Variants in ANKRD6 observed in about 807,000 individuals in gnomAD.
ANKRD6 encodes the protein ankyrin repeat domain 6.
In ANKRD6, 56 loss-of-function variants were observed where a neutral mutation model predicts 82.3. That is an observed-to-expected ratio of 0.68 (90% CI 0.55 to 0.85). The LOEUF (loss-of-function observed/expected upper bound fraction) is 0.85, where lower values mean the gene tolerates loss of function less well. Ranked by LOEUF, ANKRD6 falls within the 40% of genes least tolerant of loss-of-function variation. The pLI is 0.00. For missense variants in ANKRD6, 852 were observed against 907.6 expected, an observed-to-expected ratio of 0.94 and a Z score of 0.79; for synonymous variants, 347 against 352.1, an observed-to-expected ratio of 0.99 and a Z score of 0.16.
chr6:89,474,303 CT>C, intron 1 of ANKRD6, among the ~76,000 whole-genome samples: 1 of 152,268 alleles, frequency 6.6e-6, no homozygotes, highest in South Asian at 2.1e-4. Context: ...CTTCTTTTAT[CT>C]TTTTTCCCAC....
rs189493829 is a variant in ANKRD6 at position 89,612,359 on chromosome 6, C to A, written c.505C>A (p.Leu169Ile). ...CCTGCTGGCCGGGTCCCGCGCTGACCTCAAAAATAATGTGGGTGAACAAAA... is the reference window on the plus strand; with the variant it reads ...CCTGCTGGCCGGGTCCCGCGCTGACATCAAAAATAATGTGGGTGAACAAAA... ...VLLLAGSRAD[L>I]KNNAGDTCLH... The change falls in exon 6 of 16, where the codon CTC becomes ATC. Residue 169 changes from leucine to isoleucine, a missense_variant. Coordinates refer to ENST00000339746, the MANE Select transcript of ANKRD6 (RefSeq NM_001242809.2). 7 of 1,555,864 alleles carry A rather than the reference C, an allele frequency of 4.5e-6. No individual in the cohort carries two copies. The highest frequency in any genetic ancestry group is 6.1e-6 in the Non-Finnish European group (7 of 1,148,190).
intron 1 of ANKRD6, among the ~76,000 whole-genome samples, chr6:89,440,451 C>A (rs1217689047): frequency 6.6e-6 from 1 of 152,198 alleles, no homozygotes; most frequent in Non-Finnish European, 1.5e-5. Context: ...TAACCTTTAT[C>A]CTTCCTGGTG....
chr6:89,633,551 T>G lies in ANKRD6; in HGVS notation c.*2547T>G, dbSNP rs1052432273. 19 of 152,328 alleles carry G rather than the reference T, an allele frequency of 1.2e-4. No individual in the cohort carries two copies. Among genetic ancestry groups the G allele is most frequent in the African/African-American group, 4.6e-4 (19 of 41,574 alleles). 9.4% of individuals were successfully genotyped at this position (152,328 alleles called of 1,614,324 possible). On this transcript the variant is annotated 3_prime_UTR_variant, in exon 16 of 16. Coordinates refer to ENST00000339746, the MANE Select transcript of ANKRD6 (RefSeq NM_001242809.2). Reference sequence around the variant, plus strand: ...GGGAAAAACTAAAACACAGAAATACTGTACAGTATTAGTGTTTTTTTAAAG... The same window carrying G: ...GGGAAAAACTAAAACACAGAAATACGGTACAGTATTAGTGTTTTTTTAAAG...
At chr6:89,503,547 A>G (rs1779493754) in intron 1 of ANKRD6, among the ~76,000 whole-genome samples, 2 of 152,150 alleles carry the variant, frequency 1.3e-5, no homozygotes, top group African/African-American at 4.8e-5. Context: ...AATCCCCTAC[A>G]TTCTTCATCT....
chr6:89,599,824 C>A (rs1046686147), intron 3 of ANKRD6, among the ~76,000 whole-genome samples: 4 of 152,154 alleles, frequency 2.6e-5, no homozygotes, highest in Non-Finnish European at 1.5e-5. Context: ...CCTCCAGAAC[C>A]ATTCCAGCTA....
chr6:89,484,664 A>C (rs55666694), intron 1 of ANKRD6, among the ~76,000 whole-genome samples: 8,469 of 152,266 alleles, frequency 0.056, 262 homozygotes, highest in South Asian at 0.13. Flanking sequence ...ATATTCAGAT[A>C]CATTTTTGCT....
At chr6:89,535,039 C>T (rs1388834326) in intron 1 of ANKRD6, among the ~76,000 whole-genome samples, 3 of 152,190 alleles carry the variant, frequency 2.0e-5, no homozygotes, top group Non-Finnish European at 4.4e-5. Context: ...TTTGGACTCT[C>T]AGCTCAGCTT....
chr6:89,628,478 C>T (rs1033834419), intron 14 of ANKRD6: 5 of 157,876 alleles, frequency 3.2e-5, no homozygotes, highest in African/African-American at 9.6e-5. Flanking sequence ...CCTTCAAAAA[C>T]TAATAGAGCG....
chr6:89,544,511 G>T (rs1232565927), intron 1 of ANKRD6, among the ~76,000 whole-genome samples: 3 of 151,650 alleles, frequency 2.0e-5, no homozygotes, highest in Non-Finnish European at 4.4e-5. Flanking sequence ...TCAGGAGATC[G>T]AGACCATCCT....
At chr6:89,456,040 A>AT (rs1773472109) in intron 1 of ANKRD6, among the ~76,000 whole-genome samples, 1 of 151,966 alleles carries the variant, frequency 6.6e-6, no homozygotes, top group African/African-American at 2.4e-5. Flanking sequence ...TGCCTGACTA[A>AT]TTTTTTGTAT....
chr6:89,528,917 T>A (rs1272412155), intron 1 of ANKRD6, among the ~76,000 whole-genome samples: 1 of 152,232 alleles, frequency 6.6e-6, no homozygotes, highest in African/African-American at 2.4e-5. Context: ...TCAATAAGCA[T>A]GGACTTATTC....
rs1788649330 is a variant in ANKRD6 at position 89,566,901 on chromosome 6, A to C, written c.-76A>C. The C allele has an allele frequency of 3.3e-6, 5 of 1,529,790 alleles. No individual in the cohort carries two copies. In the African/African-American group the frequency reaches 6.9e-5, roughly 21 times the overall value. 94.8% of individuals were successfully genotyped at this position (1,529,790 alleles called of 1,614,324 possible). A position where few individuals can be genotyped will look rare whatever the true frequency, so the allele number is the denominator to read the frequency against. On this transcript the variant is annotated 5_prime_UTR_variant, in exon 2 of 16. Coordinates refer to ENST00000339746, the MANE Select transcript of ANKRD6 (RefSeq NM_001242809.2). ...GTGAACATCTTTACCTCTGGGTGCCAGGCCGGGCCAGTGACTTCGTGTTGA... is the reference window on the plus strand; with the variant it reads ...GTGAACATCTTTACCTCTGGGTGCCCGGCCGGGCCAGTGACTTCGTGTTGA...
intron 7 of ANKRD6, among the ~76,000 whole-genome samples, chr6:89,615,555 C>A (rs542759442): frequency 1.8e-4 from 27 of 152,328 alleles, no homozygotes; most frequent in African/African-American, 5.5e-4. Context: ...ACCCAGGCAT[C>A]ATCATTTTTT....
In ANKRD6 at chr6:89,630,581, A is replaced by G; in HGVS notation, c.1761A>G (p.Arg587=). 1 of 1,613,916 alleles carries G rather than the reference A, an allele frequency of 6.2e-7. No homozygotes were observed. Among genetic ancestry groups the G allele is most frequent in the Non-Finnish European group, 8.5e-7 (1 of 1,179,838 alleles). The change falls in exon 16 of 16, where the codon CGA becomes CGG. Residue 587 remains arginine, a synonymous_variant. Coordinates refer to ENST00000339746, the MANE Select transcript of ANKRD6 (RefSeq NM_001242809.2). ...ELSSSDCTGS[R]LRNVKVQTAL... Reference sequence around the variant, plus strand: ...CGTCTTCTGACTGTACAGGCTCCCGACTGAGAAACGTCAAGGTCCAGACAG... The same window carrying G: ...CGTCTTCTGACTGTACAGGCTCCCGGCTGAGAAACGTCAAGGTCCAGACAG...
intron 1 of ANKRD6, among the ~76,000 whole-genome samples, chr6:89,479,968 G>A (rs540081064): frequency 6.6e-6 from 1 of 152,214 alleles, no homozygotes; most frequent in East Asian, 1.9e-4. Flanking sequence ...TGCTTTTAAA[G>A]ACTGAAACTT....
chr6:89,602,797 C>T (rs895848777), intron 3 of ANKRD6: 29 of 513,466 alleles, frequency 5.6e-5, no homozygotes, highest in Non-Finnish European at 9.1e-5. Flanking sequence ...TTCTTGCTGT[C>T]GGCTTAAGGT....
chr6:89,632,200 G>C lies in ANKRD6; in HGVS notation c.*1196G>C, dbSNP rs1398207113. 4 of 152,116 alleles carry C rather than the reference G, an allele frequency of 2.6e-5. No individual in the cohort carries two copies. The highest frequency in any genetic ancestry group is 9.7e-5 in the African/African-American group (4 of 41,412). The allele number at this position is 152,116 out of a possible 1,614,324, so 9.4% of individuals were successfully genotyped here. A position where few individuals can be genotyped will look rare whatever the true frequency, so the allele number is the denominator to read the frequency against. On this transcript the variant is annotated 3_prime_UTR_variant, in exon 16 of 16. Coordinates refer to ENST00000339746, the MANE Select transcript of ANKRD6 (RefSeq NM_001242809.2). ...CACAGGAACCTAGTGACTATTGAAC[G>C]TAATTGTAATAAAATGCTGCTCATT...
At chr6:89,595,807 G>A (rs1795764994) in intron 2 of ANKRD6, 109 bp from the exon 3 acceptor site, 2 of 786,446 alleles carry the variant, frequency 2.5e-6, no homozygotes, top group Non-Finnish European at 4.3e-6. Flanking sequence ...GGGCAGGAGG[G>A]AGTGATCATC....
intron 1 of ANKRD6, among the ~76,000 whole-genome samples, chr6:89,447,542 C>T (rs968080358): frequency 3.3e-5 from 5 of 152,140 alleles, no homozygotes; most frequent in African/African-American, 1.2e-4. Context: ...GGTAAAGCAG[C>T]CAGTGCTGAT....
Sources: gnomAD v4.1 joint callset for allele counts (sites outside exome capture counted in the v4.1 genomes callset) on GRCh38, gnomAD v4.1.1 for gene constraint, MANE v1.5 for transcripts, NCBI Gene and HGNC (gene_info 2026-07-23, HGNC 2026-07-21) for gene names.